The following DUXA variants were observed in gnomAD, a reference collection of about 807,000 sequenced individuals.
DUXA encodes double homeobox protein A.
DUXA carries 25 observed loss-of-function variants against 27.5 expected under a neutral mutation model. That is an observed-to-expected ratio of 0.91 (90% confidence interval 0.66 to 1.27). DUXA has a LOEUF of 1.27. Among genes scored for constraint, DUXA ranks in the 50% most tolerant of loss-of-function variants. DUXA has a pLI of 0.00. For missense variants in DUXA, 247 were observed against 242.9 expected, an observed-to-expected ratio of 1.02 and a Z score of -0.11; for synonymous variants, 90 against 80.5, an observed-to-expected ratio of 1.12 and a Z score of -0.63.
intron 1 of DUXA, among the ~76,000 whole-genome samples, chr19:57,165,058 C>T (rs1206368614): frequency 2.6e-5 from 4 of 151,954 alleles, no homozygotes; most frequent in East Asian, 1.9e-4. Context: ...ATTGTGTCAA[C>T]CTTACAGTTC....
Position 57,158,335 on chromosome 19 carries a change from C to T in DUXA, c.431G>A (p.Arg144Lys), listed in dbSNP as rs1378624648. 1 of 1,611,968 alleles carries T rather than the reference C, an allele frequency of 6.2e-7. No homozygotes were observed. Among genetic ancestry groups the T allele is most frequent in the Non-Finnish European group, 8.5e-7 (1 of 1,179,824 alleles). ...CACCTTCTTATCACTCACTTGGACT[C>T]TTGACTCTGGAACACCGATTTCTTT... Reference protein sequence around the residue: ...LAKEIGVPESRVQIWFQNRRS... With the variant: ...LAKEIGVPESKVQIWFQNRRS... Residue 144 changes from arginine to lysine, a missense_variant, in exon 4 of 6, where the codon AGA (arginine) becomes AAA (lysine). Transcript: ENST00000554048.
intron 1 of DUXA, among the ~76,000 whole-genome samples, chr19:57,161,600 G>A (rs1448727212): frequency 6.6e-6 from 1 of 150,966 alleles, no homozygotes; most frequent in Non-Finnish European, 1.5e-5. Flanking sequence ...TCCAGCCTGG[G>A]TGACAGAGCG....
intron 1 of DUXA, among the ~76,000 whole-genome samples, chr19:57,162,758 T>C (rs1336874674): frequency 6.6e-6 from 1 of 152,074 alleles, no homozygotes; most frequent in Non-Finnish European, 1.5e-5. Flanking sequence ...GTATTTTTAG[T>C]AGAGACAGGG....
intron 3 of DUXA, 56 bp downstream of exon 3, chr19:57,159,111 G>A (rs2087007281): frequency 6.7e-7 from 1 of 1,491,512 alleles, no homozygotes; most frequent in East Asian, 2.3e-5. Flanking sequence ...CAAAGTCGCA[G>A]TTGGCTCCGC....
In DUXA at chr19:57,160,719, T is replaced by C; in HGVS notation, c.104A>G (p.Asn35Ser). 3 of 1,614,188 alleles carry C rather than the reference T, an allele frequency of 1.9e-6. No homozygotes were observed. The highest frequency in any genetic ancestry group is 2.5e-6 in the Non-Finnish European group (3 of 1,180,044). ...EQLKILINTF[N>S]QKPYPGYATK... ...AGCATAACCTGGGTAAGGCTTTTGA[T>C]TGAAGGTATTGATGAGGATTTTCAA... The change falls in exon 2 of 6, where the codon AAT (asparagine) becomes AGT (serine). Residue 35 changes from asparagine (N) to serine (S), a missense_variant. Transcript: ENST00000554048.
In DUXA at chr19:57,154,134, T is replaced by A. The variant is rs1215529281; in HGVS notation, c.*278A>T. On this transcript the variant is annotated 3_prime_UTR_variant, in exon 6 of 6. Transcript: ENST00000554048. ...ACCCCCTGTACCCGTCTCTGCCTCC[T>A]ACAGTCCTTTTCATTTATTTTGTTT... 13 of 345,678 alleles carry A rather than the reference T, an allele frequency of 3.8e-5. No individual in the cohort carries two copies. In the East Asian group the frequency reaches 8.4e-4, roughly 22 times the overall value. 21.4% of individuals were successfully genotyped at this position (345,678 alleles called of 1,614,324 possible).
At chr19:57,162,026 G>T (rs1396049571) in intron 1 of DUXA, among the ~76,000 whole-genome samples, 3 of 152,042 alleles carry the variant, frequency 2.0e-5, no homozygotes, top group African/African-American at 7.2e-5. Context: ...GAGTAGCTGG[G>T]ACTACAGGTG....
chr19:57,158,559 T>G, intron 3 of DUXA, 86 bp from the exon 4 acceptor site: 1 of 1,503,272 alleles, frequency 6.7e-7, no homozygotes, highest in Non-Finnish European at 9.1e-7. Context: ...AACCCAAACT[T>G]GTCACTCTCC....
At position 57,154,444 on chromosome 19, in the gene DUXA, C is replaced by T. The variant is rs1484479374; in HGVS notation, c.583G>A (p.Asp195Asn). The change falls in exon 6 of 6, where the codon GAC becomes AAC. Residue 195 changes from aspartate (D) to asparagine (N), a missense_variant. Asp to Asn is a conservative substitution (Grantham distance 23). Coordinates refer to ENST00000554048, the MANE Select transcript of DUXA (RefSeq NM_001012729.2). The stretch of plus-strand genomic sequence containing the variant: ...GTTCTGGCTCCAGAGAAATGAGAGT[C>T]ACTAGTGAAGTTGGTGCCATTTTGT... ...DTQNGTNFTS[D>N]SHFSGARTW is the part of the protein sequence containing the mutation. 6 of 1,613,600 alleles carry T rather than the reference C, an allele frequency of 3.7e-6. No individual in the cohort carries two copies. The highest frequency in any genetic ancestry group is 5.1e-6 in the Non-Finnish European group (6 of 1,179,742).
rs749793051 is a variant in DUXA at position 57,155,321 on chromosome 19, G to C, written c.490C>G (p.Pro164Ala). The C allele has an allele frequency of 6.2e-7, 1 of 1,614,070 alleles. No individual in the cohort carries two copies. Among genetic ancestry groups the C allele is most frequent in the African/African-American group, 1.3e-5 (1 of 74,918 alleles). ...TCTTCTTGTTCTAAGGACGCCACAG[G>C]TTCCCTTTTTCTCTGGAGAAGTAAT... is the stretch of plus-strand genomic sequence containing the variant. ...SRLLLQRKRE[P>A]VASLEQEEQG... Residue 164 changes from proline (P) to alanine (A), a missense_variant, in exon 5 of 6, where the codon CCT (proline) becomes GCT (alanine). Pro to Ala is a conservative substitution (Grantham distance 27, BLOSUM62 -1). Transcript: ENST00000554048.
intron 1 of DUXA, among the ~76,000 whole-genome samples, chr19:57,161,323 T>TGA (rs2087020241): frequency 1.1e-4 from 1 of 8,708 alleles, no homozygotes; most frequent in African/African-American, 1.0e-3. Context: ...AGACTCTATC[T>TGA]CAAAAAAAAA....
chr19:57,159,193 T>C lies in DUXA; in HGVS notation c.266A>G (p.Gln89Arg). 6.2e-7 allele frequency: 1 copy of C among 1,614,206 alleles called. No homozygotes were observed. Among genetic ancestry groups the C allele is most frequent in the Non-Finnish European group, 8.5e-7 (1 of 1,180,022 alleles). Reference protein sequence around the residue: ...ETLESSQSQGQDQPGVEFQSR... With the variant: ...ETLESSQSQGRDQPGVEFQSR... ...TTGAAACTCCACACCAGGTTGATCT[T>C]GCCCCTGGCTCTGGCTTGATTCTAA... The change falls in exon 3 of 6, where the codon CAA (glutamine) becomes CGA (arginine). Residue 89 changes from glutamine to arginine, a missense_variant. By Grantham distance (43) the Gln-to-Arg change is conservative. Transcript: ENST00000554048.
chr19:57,165,322 A>ATATATATATATATATATATATATATAT (rs1484903570), intron 1 of DUXA, among the ~76,000 whole-genome samples: 27 of 89,066 alleles, frequency 3.0e-4, no homozygotes, highest in Admixed American at 5.0e-4. Flanking sequence ...AAAAAAAAAA[A>ATATATATATATATATATATATATATAT]AAATATATAT....
intron 1 of DUXA, among the ~76,000 whole-genome samples, chr19:57,161,531 G>C (rs1485710663): frequency 5.7e-5 from 8 of 141,556 alleles, no homozygotes; most frequent in Middle Eastern, 4.3e-3. Flanking sequence ...GCTGAGGCAG[G>C]AGAATGGCGT....
At chr19:57,166,042 G>A (rs2087052992) in intron 1 of DUXA, among the ~76,000 whole-genome samples, 1 of 152,070 alleles carries the variant, frequency 6.6e-6, no homozygotes, top group Non-Finnish European at 1.5e-5. Flanking sequence ...AGTATAACAT[G>A]AACAAAGGCT....
In DUXA at chr19:57,167,458, C is replaced by T; in HGVS notation, c.-15G>A. 6.2e-7 allele frequency: 1 copy of T among 1,613,080 alleles called. No homozygotes were observed. Among genetic ancestry groups the T allele is most frequent in the South Asian group, 1.1e-5 (1 of 90,806 alleles). On this transcript the variant is annotated 5_prime_UTR_variant, in exon 1 of 6. Transcript: ENST00000554048. ...TCTTCGGCCATGCTGGAAGAGAGTC[C>T]TGAAGGCTGAGCCACTGTCTGGGAG... is the stretch of plus-strand genomic sequence containing the variant.
intron 1 of DUXA, among the ~76,000 whole-genome samples, chr19:57,166,567 C>T (rs2087056147): frequency 2.6e-5 from 4 of 152,174 alleles, no homozygotes; most frequent in Admixed American, 2.0e-4. Flanking sequence ...CGCGGCCTCC[C>T]AAAGTGCTGG....
At chr19:57,159,143 A>G in intron 3 of DUXA, 24 bp downstream of exon 3, 1 of 1,593,158 alleles carries the variant, frequency 6.3e-7, no homozygotes, top group Non-Finnish European at 8.6e-7. Flanking sequence ...TCTGCTGGGG[A>G]ACAGAACTAA....
chr19:57,155,062 T>A (rs939526710), intron 5 of DUXA, among the ~76,000 whole-genome samples: 6 of 152,180 alleles, frequency 3.9e-5, no homozygotes, highest in African/African-American at 1.4e-4. Context: ...TGGAATCCAG[T>A]TGGAAAGTGG....
Sources: gnomAD v4.1 joint callset for allele counts (sites outside exome capture counted in the v4.1 genomes callset) on GRCh38, gnomAD v4.1.1 for gene constraint, MANE v1.5 for transcripts, NCBI Gene and HGNC (gene_info 2026-07-23, HGNC 2026-07-21) for gene names.